The following PASD1 variants were observed in gnomAD, a reference collection of about 807,000 sequenced individuals.
PASD1 encodes the protein circadian clock protein PASD1.
A neutral mutation model predicts 58.8 loss-of-function variants in PASD1; 13 were observed. The observed-to-expected ratio is 0.22, with a 90% confidence interval of 0.14 to 0.35. The LOEUF (loss-of-function observed/expected upper bound fraction) is 0.35. Ranked by LOEUF, PASD1 falls within the 10% of genes least tolerant of loss-of-function variation. PASD1 has a pLI of 1.00. For synonymous variants in PASD1, 236 were observed against 216.7 expected, an observed-to-expected ratio of 1.09 and a Z score of -0.78; for missense variants, 734 against 568.3, an observed-to-expected ratio of 1.29 and a Z score of -2.96.
At chrX:151,666,729 G>T (rs1389588972) in intron 11 of PASD1, among the ~76,000 whole-genome samples, 2 of 99,289 alleles carry the variant, frequency 2.0e-5, no homozygotes, top group African/African-American at 3.8e-5. Context: ...ATTTTTTATG[G>T]CTGCATAGTA....
rs1041581060 is a variant in PASD1, at chrX:151,576,270, T to C, written c.-28+12431T>C. Among the ~76,000 whole-genome samples the C allele has an allele frequency of 2.7e-5, 3 of 111,328 alleles. No individual in the cohort carries two copies. In the Admixed American group the frequency reaches 2.9e-4, roughly 11 times the overall value. On this transcript the variant is annotated intron_variant, in intron 1 of 15. Coordinates refer to ENST00000370357, the MANE Select transcript of PASD1 (RefSeq NM_173493.3). ...ATCCTCCTGCCTCACCCTCCAAAAG[T>C]GTTGGGATTGTAGGCGTGAGCCACC...
chrX:151,641,402 G>C (rs1923435967), intron 8 of PASD1, among the ~76,000 whole-genome samples: 1 of 111,833 alleles, frequency 8.9e-6, no homozygotes, highest in African/African-American at 3.3e-5. Context: ...GGGACCTCAT[G>C]TTATAAATAG....
intron 8 of PASD1, among the ~76,000 whole-genome samples, chrX:151,626,922 G>A (rs1041919911): frequency 8.9e-6 from 1 of 111,854 alleles, no homozygotes; most frequent in African/African-American, 3.2e-5. Context: ...CCCATCAGAA[G>A]AGTACAGAGG....
rs751887910 is a variant in PASD1, at chrX:151,600,071, C to T, written c.-27-1456C>T. Among the ~76,000 whole-genome samples the T allele has an allele frequency of 5.2e-3, 588 of 112,224 alleles. 4 individuals carry two copies. The highest frequency in any genetic ancestry group is 0.018 in the African/African-American group (550 of 30,895). The stretch of plus-strand genomic sequence containing the variant: ...CGCGGTCAGGAGCTGGAGACCAGCC[C>T]GGCCAACAAGGCGAAACCCCGTCTC... On this transcript the variant is annotated intron_variant, in intron 1 of 15. Coordinates refer to ENST00000370357, the MANE Select transcript of PASD1 (RefSeq NM_173493.3).
chrX:151,669,525 C>A lies in PASD1; in HGVS notation c.1072-1513C>A, dbSNP rs747519766. ...TAACTGTATTTTGGTACCCAGTAAT[C>A]AACTTCTCTTCATCCCCCTCTTCCC... On this transcript the variant is annotated intron_variant, in intron 11 of 15. Coordinates refer to ENST00000370357, the MANE Select transcript of PASD1 (RefSeq NM_173493.3). Among the ~76,000 whole-genome samples, 164 of 110,178 alleles carry A rather than the reference C, an allele frequency of 1.5e-3. 1 individual carries two copies. The highest frequency in any genetic ancestry group is 5.3e-3 in the African/African-American group (159 of 29,952).
At chrX:151,613,922 C>G (rs2013603177) in intron 4 of PASD1, among the ~76,000 whole-genome samples, 1 of 110,847 alleles carries the variant, frequency 9.0e-6, no homozygotes, top group Non-Finnish European at 1.9e-5. Flanking sequence ...AGTGAGGGCC[C>G]AATCTCTGCT....
intron 3 of PASD1, 65 bp from the exon 4 acceptor site, chrX:151,611,599 G>C (rs1310251575): frequency 1.3e-6 from 1 of 765,860 alleles, no homozygotes; most frequent in Non-Finnish European, 1.9e-6. Context: ...TATGCATTTA[G>C]CAATAAAACT....
At chrX:151,674,326 T>C in intron 15 of PASD1, 140 bp downstream of exon 15, 1 of 827,595 alleles carries the variant, frequency 1.2e-6, no homozygotes, top group Non-Finnish European at 1.7e-6. Flanking sequence ...CGGCAGTTAG[T>C]CACATGATGG....
At chrX:151,626,276 A>G (rs1022345079) in intron 8 of PASD1, among the ~76,000 whole-genome samples, 1 of 111,865 alleles carries the variant, frequency 8.9e-6, no homozygotes, top group African/African-American at 3.2e-5. Context: ...TCTTTTGTGA[A>G]TCTAATGTGT....
intron 9 of PASD1, among the ~76,000 whole-genome samples, chrX:151,654,562 G>A (rs1335101956): frequency 1.8e-5 from 2 of 112,145 alleles, no homozygotes; most frequent in Non-Finnish European, 3.8e-5. Flanking sequence ...GAGGTAGAAG[G>A]TAAGCAAAGT....
intron 8 of PASD1, among the ~76,000 whole-genome samples, chrX:151,637,192 T>G (rs1375074375): frequency 8.9e-6 from 1 of 112,507 alleles, no homozygotes; most frequent in Non-Finnish European, 1.9e-5. Context: ...AATAGTACCG[T>G]GATAAACGTG....
At chrX:151,591,209 G>A (rs112992943) in intron 1 of PASD1, among the ~76,000 whole-genome samples, 3,845 of 111,542 alleles carry the variant, frequency 0.034, 118 homozygotes, top group African/African-American at 0.095. Flanking sequence ...TAGTCATGCC[G>A]GAAAGTATAT....
chrX:151,586,104 A>G (rs2013160519), intron 1 of PASD1, among the ~76,000 whole-genome samples: 1 of 111,566 alleles, frequency 9.0e-6, no homozygotes, highest in Admixed American at 9.5e-5. Context: ...CAGGATGTAG[A>G]AGACTGCATC....
In PASD1 at chrX:151,625,412, C is replaced by T. The variant is rs1228883701; in HGVS notation, c.547-36C>T. 4.7e-6 allele frequency: 5 copies of T among 1,054,730 alleles called. No individual in the cohort carries two copies. The South Asian group carries it at 1.0e-4, about 21-fold the overall frequency. 86.9% of individuals were successfully genotyped at this position (1,054,730 alleles called of 1,213,427 possible). A position where few individuals can be genotyped will look rare whatever the true frequency, so the allele number is the denominator to read the frequency against. On this transcript the variant is annotated intron_variant, in intron 7 of 15. Transcript: ENST00000370357. ...GCTGTGCATTTTTACTATTTATATA[C>T]ATATTAAATGTCTAAATATTTGAAT...
chrX:151,623,601 G>A (rs1418257794), intron 7 of PASD1, among the ~76,000 whole-genome samples: 2 of 112,093 alleles, frequency 1.8e-5, no homozygotes, highest in Admixed American at 9.5e-5. Flanking sequence ...TGTGTTACAG[G>A]TACTGTGCTA....
chrX:151,654,849 TTTC>T (rs1327715546), intron 9 of PASD1, among the ~76,000 whole-genome samples: 3 of 111,087 alleles, frequency 2.7e-5, no homozygotes, highest in Non-Finnish European at 5.7e-5. Context: ...GATTTTTGTT[TTTC>T]TTTTTATTAT....
chrX:151,571,552 T>G (rs996107608), intron 1 of PASD1, among the ~76,000 whole-genome samples: 1 of 111,767 alleles, frequency 8.9e-6, no homozygotes, highest in East Asian at 2.8e-4. Flanking sequence ...ACATGTCTTA[T>G]AGAGTCATGG....
At chrX:151,638,313 A>G (rs1335895819) in intron 8 of PASD1, among the ~76,000 whole-genome samples, 1 of 109,333 alleles carries the variant, frequency 9.1e-6, no homozygotes, top group African/African-American at 3.3e-5. Context: ...GGGCTGGGGG[A>G]GAGATAGCAT....
At chrX:151,653,759 T>C (rs977788546) in intron 9 of PASD1, among the ~76,000 whole-genome samples, 2 of 2,683 alleles carry the variant, frequency 7.5e-4, no homozygotes, top group African/African-American at 1.3e-3. Flanking sequence ...TCCTTCTTTC[T>C]TTCTTTCTTT....
Sources: gnomAD v4.1 joint callset for allele counts (sites outside exome capture counted in the v4.1 genomes callset) on GRCh38, gnomAD v4.1.1 for gene constraint, MANE v1.5 for transcripts, NCBI Gene and HGNC (gene_info 2026-07-23, HGNC 2026-07-21) for gene names.